The following IFNGR2 variants were observed in gnomAD, a reference collection of about 807,000 sequenced individuals.
IFNGR2 encodes the protein IFN-gamma receptor 2.
In IFNGR2, 15 loss-of-function variants were observed where a neutral mutation model predicts 41.1. The observed-to-expected ratio is 0.37, with a 90% CI of 0.24 to 0.56. The LOEUF is 0.56. IFNGR2 is among the 20% of genes least tolerant of loss of function. The pLI, the probability that IFNGR2 is intolerant of heterozygous loss-of-function variation, is 0.81. For synonymous variants in IFNGR2, 161 were observed against 171.6 expected (o/e 0.94, Z 0.48); for missense variants, 362 against 415.7 (o/e 0.87, Z 1.12).
chr21:33,409,361 C>T (rs905788612), intron 1 of IFNGR2, among the ~76,000 whole-genome samples: 11 of 151,850 alleles, frequency 7.2e-5, no homozygotes, highest in African/African-American at 2.2e-4. Flanking sequence ...CCCAGCTACT[C>T]GGGAGGCTGA....
intron 1 of IFNGR2, 74 bp from the exon 2 acceptor site, chr21:33,414,814 A>G: frequency 1.3e-6 from 2 of 1,486,792 alleles, no homozygotes; most frequent in Non-Finnish European, 1.8e-6. Context: ...GATAATGGAC[A>G]TTGAAACATT....
intron 1 of IFNGR2, among the ~76,000 whole-genome samples, chr21:33,413,281 T>A (rs1023516103): frequency 1.1e-4 from 16 of 152,198 alleles, no homozygotes; most frequent in Non-Finnish European, 4.4e-5. Flanking sequence ...CTGTCTGCCT[T>A]CGGCCCAGGA....
intron 4 of IFNGR2, among the ~76,000 whole-genome samples, chr21:33,429,243 C>T (rs1236004323): frequency 2.0e-5 from 3 of 152,080 alleles, no homozygotes; most frequent in Non-Finnish European, 2.9e-5. Context: ...TGAAAGCCAC[C>T]AATGTGATCT....
At chr21:33,435,774 T>A (rs377004384) in intron 6 of IFNGR2, among the ~76,000 whole-genome samples, 2 of 148,692 alleles carry the variant, frequency 1.3e-5, no homozygotes, top group Non-Finnish European at 3.0e-5. Flanking sequence ...TCCCAGCTAC[T>A]TGGGAGGCTG....
chr21:33,420,875 C>CAGG (rs1461584863), intron 2 of IFNGR2, among the ~76,000 whole-genome samples: 4 of 151,612 alleles, frequency 2.6e-5, no homozygotes, highest in Non-Finnish European at 4.4e-5. Flanking sequence ...GGAGAGACCC[C>CAGG]CAACTCTACA....
At chr21:33,417,673 C>A (rs770091896) in intron 2 of IFNGR2, among the ~76,000 whole-genome samples, 19 of 152,118 alleles carry the variant, frequency 1.2e-4, no homozygotes, top group Non-Finnish European at 2.8e-4. Context: ...TTTCTGAGAA[C>A]GGGCTTGATG....
upstream of IFNGR2, chr21:33,403,038 T>G (rs924905978): frequency 6.8e-6 from 1 of 147,210 alleles, no homozygotes. Flanking sequence ...AAGCAAACAT[T>G]TCGACTAAAG....
chr21:33,412,067 G>A (rs2083721245), intron 1 of IFNGR2, among the ~76,000 whole-genome samples: 1 of 152,258 alleles, frequency 6.6e-6, no homozygotes, highest in East Asian at 1.9e-4. Context: ...GGGACTACAG[G>A]TGCGCACCAC....
At chr21:33,415,720 A>G (rs1436520378) in intron 2 of IFNGR2, among the ~76,000 whole-genome samples, 3 of 152,228 alleles carry the variant, frequency 2.0e-5, no homozygotes, top group African/African-American at 7.2e-5. Context: ...GGACTGGTTC[A>G]TATGTGTTCA....
chr21:33,410,963 C>T (rs2083711342), intron 1 of IFNGR2: 2 of 1,081,800 alleles, frequency 1.8e-6, no homozygotes. Context: ...TTCTCCCCAG[C>T]CTTCCAGCCC....
intron 4 of IFNGR2, among the ~76,000 whole-genome samples, chr21:33,430,860 A>G (rs557140223): frequency 7.2e-5 from 11 of 152,250 alleles, no homozygotes; most frequent in Non-Finnish European, 1.5e-4. Context: ...AGCATATGTT[A>G]TACCACCATT....
chr21:33,430,806 T>G (rs1304357198), intron 4 of IFNGR2, among the ~76,000 whole-genome samples: 2 of 152,196 alleles, frequency 1.3e-5, no homozygotes, highest in East Asian at 3.8e-4. Context: ...TAATCTGCCT[T>G]TTTTCAGTTA....
chr21:33,414,255 G>A (rs1295144173), intron 1 of IFNGR2, among the ~76,000 whole-genome samples: 1 of 152,176 alleles, frequency 6.6e-6, no homozygotes, highest in Non-Finnish European at 1.5e-5. Context: ...GATGCTGGGG[G>A]TCCTTGAGAG....
intron 3 of IFNGR2, among the ~76,000 whole-genome samples, chr21:33,422,665 T>G (rs2083802700): frequency 6.6e-6 from 1 of 151,816 alleles, no homozygotes; most frequent in Admixed American, 6.6e-5. Flanking sequence ...TCACTTGAGG[T>G]CAGGAGTTCG....
At chr21:33,436,199 T>C in intron 6 of IFNGR2, among the ~76,000 whole-genome samples, 1 of 146,178 alleles carries the variant, frequency 6.8e-6, no homozygotes, top group East Asian at 2.1e-4. Flanking sequence ...CTACTTAAAA[T>C]ACAAAATTAG....
intron 4 of IFNGR2, 84 bp downstream of exon 4, chr21:33,427,116 C>A: frequency 8.3e-7 from 1 of 1,205,640 alleles, no homozygotes; most frequent in Non-Finnish European, 1.2e-6. Flanking sequence ...TTAACATGGG[C>A]AAGAACAGGG....
At chr21:33,434,126 G>A (rs1191542186) in intron 6 of IFNGR2, among the ~76,000 whole-genome samples, 1 of 152,186 alleles carries the variant, frequency 6.6e-6, no homozygotes, top group East Asian at 1.9e-4. Flanking sequence ...TTATTTTCCT[G>A]CATAACCCCA....
chr21:33,432,471 A>G, intron 5 of IFNGR2, 135 bp downstream of exon 5: 2 of 942,074 alleles, frequency 2.1e-6, no homozygotes, highest in African/African-American at 1.6e-5. Context: ...AACTGCAGGA[A>G]TAATGAGCTT....
intron 3 of IFNGR2, among the ~76,000 whole-genome samples, chr21:33,423,858 G>A (rs2083814981): frequency 6.7e-6 from 1 of 148,382 alleles, no homozygotes; most frequent in East Asian, 2.0e-4. Flanking sequence ...AGTGGTTTGT[G>A]CTAGGTACTG....
Sources: allele counts gnomAD v4.1 joint callset (sites outside exome capture counted in the v4.1 genomes callset), GRCh38; gene constraint gnomAD v4.1.1; transcripts MANE v1.5; gene names NCBI Gene and HGNC (gene_info 2026-07-23, HGNC 2026-07-21).